EP300: variants seen among roughly 807,000 people sequenced by gnomAD.
EP300 encodes EP300 lysine acetyltransferase.
A neutral mutation model predicts 264.0 loss-of-function variants in EP300; 31 were observed. The ratio of observed to expected loss-of-function variants is 0.12; its 90% confidence interval spans 0.09 to 0.16. EP300 has a LOEUF of 0.16. Ranked by LOEUF, EP300 falls within the 10% of genes least tolerant of loss-of-function variation. The probability of loss-of-function intolerance (pLI) is 1.00; values close to 1 mark genes in which losing one functional copy is unlikely to be tolerated. For missense variants in EP300, 2,766 were observed against 3,052.9 expected (o/e 0.91, Z 2.21); for synonymous variants, 1,340 against 1,045.4 (o/e 1.28, Z -5.44).
chr22:41,157,489 T>A, intron 18 of EP300, 81 bp downstream of exon 18: 1 of 1,235,232 alleles, frequency 8.1e-7, no homozygotes, highest in Non-Finnish European at 1.2e-6. Context: ...TAAGAGAATA[T>A]CCTGCTTCTG....
At chr22:41,161,312 A>G (rs1162141536) in intron 20 of EP300, among the ~76,000 whole-genome samples, 2 of 152,186 alleles carry the variant, frequency 1.3e-5, no homozygotes, top group Non-Finnish European at 2.9e-5. Flanking sequence ...AATTTCAAAC[A>G]TATAGTCTAA....
chr22:41,160,868 A>G, intron 20 of EP300, 146 bp downstream of exon 20: 1 of 759,736 alleles, frequency 1.3e-6, no homozygotes, highest in South Asian at 1.5e-5. Flanking sequence ...ATTAATTTAA[A>G]TAAAAATTGT....
chr22:41,164,030 T>G, intron 21 of EP300, 23 bp from the exon 22 acceptor site: 1 of 1,612,582 alleles, frequency 6.2e-7, no homozygotes, highest in African/African-American at 1.3e-5. Context: ...GGGTTAATTT[T>G]GGAATTGGCT....
At position 41,166,591 on chromosome 22, in the gene EP300, A is replaced by G. The variant is rs1569114945; in HGVS notation, c.3807-8A>G. 1 of 1,612,044 alleles carries G rather than the reference A, an allele frequency of 6.2e-7. No individual in the cohort carries two copies. Among genetic ancestry groups the G allele is most frequent in the African/African-American group, 1.3e-5 (1 of 75,034 alleles). On this transcript the variant is annotated splice_polypyrimidine_tract_variant and splice_region_variant and intron_variant, in intron 22 of 30. Coordinates refer to ENST00000263253, the MANE Select transcript of EP300 (RefSeq NM_001429.4). Reference sequence around the variant, plus strand: ...AGTTGTGTAAGCAAAGTTTTGGTTTACATTTAGATTCGTCTGTGATGGCTG... The same window carrying G: ...AGTTGTGTAAGCAAAGTTTTGGTTTGCATTTAGATTCGTCTGTGATGGCTG...
At chr22:41,165,823 G>A (rs2059130937) in intron 22 of EP300, among the ~76,000 whole-genome samples, 1 of 152,076 alleles carries the variant, frequency 6.6e-6, no homozygotes. Context: ...AGGCTGGAGT[G>A]CAATGGTGTG....
chr22:41,102,847 GATTT>G (rs1046857015), intron 1 of EP300, among the ~76,000 whole-genome samples: 23 of 152,060 alleles, frequency 1.5e-4, no homozygotes, highest in African/African-American at 3.6e-4. Context: ...GTTGGGTGAT[GATTT>G]ATTTATTATT....
chr22:41,143,743 T>A (rs752113142), intron 10 of EP300, among the ~76,000 whole-genome samples: 2 of 152,140 alleles, frequency 1.3e-5, no homozygotes, highest in Non-Finnish European at 2.9e-5. Flanking sequence ...ACCTAACTAA[T>A]GTTTTGTATT....
rs758523229 is a variant in EP300, at chr22:41,172,648, C to T, written c.4602C>T (p.Ser1534=). 9.7e-5 allele frequency: 156 copies of T among 1,612,984 alleles called. No homozygotes were observed. Among genetic ancestry groups the T allele is most frequent in the Non-Finnish European group, 1.3e-4 (151 of 1,179,386 alleles). ...AGAGAAAACGAGAGGAAAACACCAGCAATGAAAGCACAGATGTAAGGGCAT... is the reference window on the plus strand; with the variant it reads ...AGAGAAAACGAGAGGAAAACACCAGTAATGAAAGCACAGATGTAAGGGCAT... The part of the protein sequence containing the change: ...EEERKREENT[S]NESTDVTKGD... The change falls in exon 28 of 31, where the codon AGC becomes AGT. Residue 1534 remains serine, a synonymous_variant. Coordinates refer to ENST00000263253, the MANE Select transcript of EP300 (RefSeq NM_001429.4).
chr22:41,158,330 T>A, intron 18 of EP300, 82 bp from the exon 19 acceptor site: 1 of 1,066,526 alleles, frequency 9.4e-7, no homozygotes, highest in Non-Finnish European at 1.4e-6. Flanking sequence ...CACCACTGAC[T>A]TCTGTTTCTG....
At chr22:41,093,257 C>T (rs971015700) in intron 1 of EP300, among the ~76,000 whole-genome samples, 159 bp downstream of exon 1, 1 of 152,138 alleles carries the variant, frequency 6.6e-6, no homozygotes, top group Non-Finnish European at 1.5e-5. Flanking sequence ...CGTCCAGTAG[C>T]CCAACCATTT....
At chr22:41,162,663 C>G in intron 20 of EP300, 60 bp from the exon 21 acceptor site, 1 of 1,344,786 alleles carries the variant, frequency 7.4e-7, no homozygotes. Context: ...TTGGTTAGAA[C>G]AGCAGTCAGA....
intron 6 of EP300, among the ~76,000 whole-genome samples, chr22:41,131,894 TTTGA>T (rs956101772): frequency 6.6e-6 from 1 of 152,110 alleles, no homozygotes; most frequent in Non-Finnish European, 1.5e-5. Context: ...CACAACAAAC[TTTGA>T]TTAATACTGT....
chr22:41,109,575 G>C (rs1404602609), intron 1 of EP300, among the ~76,000 whole-genome samples: 1 of 152,150 alleles, frequency 6.6e-6, no homozygotes, highest in East Asian at 1.9e-4. Context: ...AATAACAATA[G>C]GTAACATGTT....
intron 1 of EP300, among the ~76,000 whole-genome samples, chr22:41,114,175 G>T (rs738629): frequency 0.61 from 92,189 of 151,558 alleles, 28,577 homozygotes; most frequent in East Asian, 0.81. Flanking sequence ...TTGGGTATTT[G>T]TTGTTGTTGT....
At chr22:41,099,826 A>G (rs924443039) in intron 1 of EP300, among the ~76,000 whole-genome samples, 1 of 152,190 alleles carries the variant, frequency 6.6e-6, no homozygotes, top group Non-Finnish European at 1.5e-5. Flanking sequence ...GATGGCTACT[A>G]AGTGACAAAT....
At chr22:41,142,700 A>G (rs2145728115) in intron 10 of EP300, among the ~76,000 whole-genome samples, 1 of 152,240 alleles carries the variant, frequency 6.6e-6, no homozygotes, top group African/African-American at 2.4e-5. Flanking sequence ...CCTGGCTAAC[A>G]CGGTGAAACC....
intron 27 of EP300, 146 bp from the exon 28 acceptor site, chr22:41,172,353 C>T (rs2059175528): frequency 1.4e-6 from 1 of 694,228 alleles, no homozygotes; most frequent in Non-Finnish European, 2.4e-6. Flanking sequence ...TCTAAATACT[C>T]CCTGGCTTAC....
chr22:41,146,091 G>A (rs1429232237), intron 10 of EP300, among the ~76,000 whole-genome samples: 5 of 151,890 alleles, frequency 3.3e-5, no homozygotes, highest in African/African-American at 7.3e-5. Context: ...ATTATCCATG[G>A]AGATACTCTG....
At chr22:41,160,352 T>G (rs2059100755) in intron 19 of EP300, 1 of 399,114 alleles carries the variant, frequency 2.5e-6, no homozygotes, top group African/African-American at 2.0e-5. Flanking sequence ...AATCCCTCAT[T>G]TCTTCGTTTG....
Sources: allele counts gnomAD v4.1 joint callset (sites outside exome capture counted in the v4.1 genomes callset), GRCh38; gene constraint gnomAD v4.1.1; transcripts MANE v1.5; gene names NCBI Gene and HGNC (gene_info 2026-07-23, HGNC 2026-07-21).